PZP: variants seen among roughly 807,000 people sequenced by gnomAD.
The protein encoded by PZP is PZP alpha-2-macroglobulin like.
PZP carries 150 observed loss-of-function variants against 179.8 expected under a neutral mutation model. The ratio of observed to expected loss-of-function variants is 0.83; its 90% CI spans 0.73 to 0.96. The LOEUF is 0.96. Ranked by LOEUF, PZP falls within the 40% of genes least tolerant of loss-of-function variation. The pLI, the probability that PZP is intolerant of heterozygous loss-of-function variation, is 0.00. For missense variants in PZP, 1,689 were observed against 1,764.0 expected, an observed-to-expected ratio of 0.96 and a Z score of 0.76; for synonymous variants, 624 against 652.3, an observed-to-expected ratio of 0.96 and a Z score of 0.66.
chr12:9,185,208 A>G (rs1214475600), intron 13 of PZP, among the ~76,000 whole-genome samples: 2 of 152,244 alleles, frequency 1.3e-5, no homozygotes, highest in Non-Finnish European at 2.9e-5. Context: ...AAGCTGACAG[A>G]CAAAATAGCC....
chr12:9,154,528 G>C (rs958534906), intron 29 of PZP, 88 bp downstream of exon 29: 2 of 1,209,008 alleles, frequency 1.7e-6, no homozygotes, highest in African/African-American at 1.5e-5. Context: ...TTTAATAATT[G>C]CCTTCTCTTT....
intron 19 of PZP, among the ~76,000 whole-genome samples, 186 bp from the exon 20 acceptor site, chr12:9,164,445 G>A (rs1941443695): frequency 6.6e-6 from 1 of 152,224 alleles, no homozygotes; most frequent in Non-Finnish European, 1.5e-5. Flanking sequence ...GATTGGTTGT[G>A]TATTAGGAGG....
At chr12:9,137,517 T>A in the PZP span, among the ~76,000 whole-genome samples, 3,449 of 152,220 alleles carry the variant, frequency 0.023, 132 homozygotes, top group African/African-American at 0.077. Context: ...TGGTGTTTTC[T>A]CATTCCCTAT....
At chr12:9,200,571 G>T in intron 6 of PZP, 123 bp from the exon 7 acceptor site, 1 of 781,682 alleles carries the variant, frequency 1.3e-6, no homozygotes. Flanking sequence ...ACTTTCCAAT[G>T]TATCAACTTT....
chr12:9,161,701 T>C (rs1941213762), intron 22 of PZP, among the ~76,000 whole-genome samples: 1 of 152,224 alleles, frequency 6.6e-6, no homozygotes, highest in South Asian at 2.1e-4. Flanking sequence ...ATACCTTAAA[T>C]TAGTCCTTCT....
intron 15 of PZP, among the ~76,000 whole-genome samples, chr12:9,177,765 A>C (rs1942488643): frequency 6.6e-6 from 1 of 152,210 alleles, no homozygotes; most frequent in Non-Finnish European, 1.5e-5. Flanking sequence ...TCACTTCCAC[A>C]ACACTCAAAG....
intron 1 of PZP, among the ~76,000 whole-genome samples, chr12:9,205,029 T>C (rs1944379290): frequency 1.3e-5 from 2 of 152,130 alleles, no homozygotes; most frequent in African/African-American, 4.8e-5. Flanking sequence ...GCCCACGAGG[T>C]TGAGGCTACA....
In PZP at chr12:9,158,533, A is replaced by G; in HGVS notation, c.3181T>C (p.Tyr1061His). 1 of 1,614,168 alleles carries G rather than the reference A, an allele frequency of 6.2e-7. No individual in the cohort carries two copies. Among genetic ancestry groups the G allele is most frequent in the East Asian group, 2.2e-5 (1 of 44,878 alleles). Residue 1061 changes from tyrosine to histidine, a missense_variant, in exon 26 of 36, where the codon TAC becomes CAC. Transcript: ENST00000261336. The stretch of plus-strand genomic sequence containing the variant: ...ATGTGTGCTTCATCAATGAAGATGT[A>G]GGATCGAGCCTGGGCGAAAGTCTTC... ...VLKTFAQARSYIFIDEAHITQ... is the reference protein window; with the variant it reads ...VLKTFAQARSHIFIDEAHITQ...
At chr12:9,161,958 G>T (rs962522899) in intron 22 of PZP, among the ~76,000 whole-genome samples, 2 of 151,826 alleles carry the variant, frequency 1.3e-5, no homozygotes, top group African/African-American at 2.4e-5. Context: ...TTTTGTTGTT[G>T]TTGTTGTTTG....
At chr12:9,149,723 C>T in intron 34 of PZP, 121 bp from the exon 35 acceptor site, 1 of 792,286 alleles carries the variant, frequency 1.3e-6, no homozygotes, top group Non-Finnish European at 2.0e-6. Flanking sequence ...GTCAAAACTT[C>T]ATGTAAATAG....
chr12:9,151,337 G>T (rs770540400), intron 33 of PZP, among the ~76,000 whole-genome samples: 7 of 152,114 alleles, frequency 4.6e-5, no homozygotes, highest in African/African-American at 1.7e-4. Context: ...AAAACAACAG[G>T]AATACATGGT....
At chr12:9,207,635 A>G (rs1944503619) in intron 1 of PZP, among the ~76,000 whole-genome samples, 1 of 152,218 alleles carries the variant, frequency 6.6e-6, no homozygotes, top group South Asian at 2.1e-4. Context: ...AGTCAGACTG[A>G]CAGTAGCCAA....
intron 15 of PZP, among the ~76,000 whole-genome samples, chr12:9,173,135 A>T (rs924966659): frequency 2.6e-5 from 4 of 152,248 alleles, no homozygotes; most frequent in African/African-American, 9.6e-5. Context: ...TTCAGACGAC[A>T]GTGCAATCAA....
At chr12:9,196,026 T>C (rs776114838) in intron 10 of PZP, among the ~76,000 whole-genome samples, 14 of 152,248 alleles carry the variant, frequency 9.2e-5, no homozygotes, top group African/African-American at 2.4e-4. Flanking sequence ...CAGGTCATGA[T>C]AGAAATATCA....
rs751483522 is a variant in PZP, at chr12:9,197,108, C to A, written c.771G>T (p.Lys257Asn). The A allele has an allele frequency of 2.5e-6, 4 of 1,611,302 alleles. No individual in the cohort carries two copies. Among genetic ancestry groups the A allele is most frequent in the African/African-American group, 2.7e-5 (2 of 74,744 alleles). Residue 257 changes from lysine (K) to asparagine (N), a missense_variant, in exon 8 of 36, where the codon AAG (lysine) becomes AAT (asparagine). This residue lies in a region of PZP where 742 missense variants were observed against 730.5 expected (regional missense o/e 1.02). Coordinates refer to ENST00000261336, the MANE Select transcript of PZP (RefSeq NM_002864.3). ...ITVCGEYTYG[K>N]PVPGLATVSL... is the part of the protein sequence containing the mutation. The stretch of plus-strand genomic sequence containing the variant: ...TCACAGTTGCAAGTCCTGGGACAGG[C>A]TTCCCATAAGTGTATCTGGTACATG...
intron 8 of PZP, 120 bp downstream of exon 8, chr12:9,196,892 G>GT (rs564108104): frequency 2.9e-5 from 25 of 874,870 alleles, no homozygotes; most frequent in Non-Finnish European, 4.5e-5. Context: ...ACAGAAATTC[G>GT]TTTTTTGGTG....
Position 9,200,950 on chromosome 12 carries a change from C to T in PZP, c.612G>A (p.Val204=), listed in dbSNP as rs138554768. Residue 204 remains valine, a synonymous_variant, in exon 6 of 36, where the codon GTG becomes GTA. Coordinates refer to ENST00000261336, the MANE Select transcript of PZP (RefSeq NM_002864.3). The part of the protein sequence containing the change: ...SSEPIQGSYR[V]VVQTESGGRI... ...TTCCACCTGATTCTGTCTGTACCAC[C>T]ACCCTGTAGGAGCCCTGAATGGGCT... 136 of 1,613,978 alleles carry T rather than the reference C, an allele frequency of 8.4e-5. No homozygotes were observed. The highest frequency in any genetic ancestry group is 1.1e-4 in the Non-Finnish European group (134 of 1,179,986).
chr12:9,204,845 G>T (rs1944369235), intron 1 of PZP, among the ~76,000 whole-genome samples: 1 of 151,968 alleles, frequency 6.6e-6, no homozygotes. Context: ...CCTAGTTCCC[G>T]GCACTTTGGG....
rs190336933 is a variant in PZP, at chr12:9,176,798, G to A, written c.1839+4185C>T. 4.0e-3 allele frequency among the ~76,000 whole-genome samples: 608 copies of A among 152,260 alleles called. 16 individuals carry two copies. Among genetic ancestry groups the A allele is most frequent in the Non-Finnish European group, 2.2e-3 (148 of 68,016 alleles). ...GGAGTGTCAATAGTGATTATTCTAT[G>A]CCAGTTCCACCATTGCATGTTAAGT... is the stretch of plus-strand genomic sequence containing the variant. On this transcript the variant is annotated intron_variant, in intron 15 of 35. Coordinates refer to ENST00000261336, the MANE Select transcript of PZP (RefSeq NM_002864.3).
Sources: gnomAD v4.1 joint callset for allele counts (sites outside exome capture counted in the v4.1 genomes callset) on GRCh38, gnomAD v4.1.1 for gene constraint, gnomAD v4.1.1 regional missense constraint, MANE v1.5 for transcripts, NCBI Gene and HGNC (gene_info 2026-07-23, HGNC 2026-07-21) for gene names.